Variants in BRICD5 observed in about 807,000 individuals in gnomAD.
The protein encoded by BRICD5 is BRICHOS domain containing 5.
A neutral mutation model predicts 28.4 loss-of-function variants in BRICD5; 51 were observed. The observed-to-expected ratio is 1.80, with a 90% CI of 1.43 to 2.27. The LOEUF (loss-of-function observed/expected upper bound fraction) is 2.27, where lower values mean the gene tolerates loss of function less well. Among genes scored for constraint, BRICD5 ranks in the 30% most tolerant of loss-of-function variants. The pLI, the probability that BRICD5 is intolerant of heterozygous loss-of-function variation, is 0.00. For missense variants in BRICD5, 456 were observed against 309.6 expected (o/e 1.47, Z -3.55); for synonymous variants, 177 against 130.2 (o/e 1.36, Z -2.44).
At position 2,210,061 on chromosome 16, in the gene BRICD5, CAG is replaced by C. The variant is rs1491500832; in HGVS notation, c.337-12_337-11del. ...GGTAACAGATGCAGCCCTGGGGAGG[CAG>C]GGGGGTGAGGCGGGGCCCCCCAGAC... On this transcript the variant is annotated splice_polypyrimidine_tract_variant and intron_variant, in intron 3 of 5. Coordinates refer to ENST00000328540, the MANE Select transcript of BRICD5 (RefSeq NM_182563.4). 2.5e-6 allele frequency: 4 copies of C among 1,600,492 alleles called. No homozygotes were observed. Among genetic ancestry groups the C allele is most frequent in the East Asian group, 2.3e-5 (1 of 44,424 alleles).
At position 2,210,158 on chromosome 16, in the gene BRICD5, G is replaced by C; in HGVS notation, c.304C>G (p.His102Asp). 6.2e-7 allele frequency: 1 copy of C among 1,608,822 alleles called. No individual in the cohort carries two copies. The highest frequency in any genetic ancestry group is 8.5e-7 in the Non-Finnish European group (1 of 1,178,622). ...CCGTCGAACAGCACCGCCCAGCTGT[G>C]GTTGCTCTGAGGTGGGGTCACTGTG... ...TITVTPPQSN[H>D]SWAVLFDGQS... is the part of the protein sequence containing the mutation. Residue 102 changes from histidine to aspartate, a missense_variant, in exon 3 of 6, where the codon CAC becomes GAC. Transcript: ENST00000328540.
At chr16:2,209,785 C>T in intron 4 of BRICD5, 79 bp from the exon 5 acceptor site, 2 of 1,457,376 alleles carry the variant, frequency 1.4e-6, no homozygotes, top group Non-Finnish European at 1.9e-6. Flanking sequence ...ACCCTCCAAC[C>T]CCCAGTGATG....
Position 2,209,930 on chromosome 16 carries a change from C to T in BRICD5, c.438+20G>A, listed in dbSNP as rs377623186. 1.5e-4 allele frequency: 226 copies of T among 1,499,102 alleles called. No homozygotes were observed. The African/African-American group carries it at 2.4e-3, about 16-fold the overall frequency. 92.9% of individuals were successfully genotyped at this position (1,499,102 alleles called of 1,614,324 possible). A position where few individuals can be genotyped will look rare whatever the true frequency, so the allele number is the denominator to read the frequency against. ...TTGTCTAGCCCCTGGCCCGGGCCTG[C>T]GCCCAGCAGGACGGCTCACCTTGGA... On this transcript the variant is annotated intron_variant, in intron 4 of 5. Transcript: ENST00000328540.
In BRICD5 at chr16:2,210,570, C is replaced by T. The variant is rs143402770; in HGVS notation, c.132G>A (p.Val44=). The change falls in exon 2 of 6, where the codon GTG becomes GTA. Residue 44 remains valine, a synonymous_variant. Transcript: ENST00000328540. ...CAAGAAGCCCTCCAGCCACAACCCC[C>T]ACAGCGGCCAGCACCAGCAGCAGCA... ...LLLLLLVLAA[V]GVVAGGLLGS... 3.7e-6 allele frequency: 6 copies of T among 1,612,650 alleles called. No homozygotes were observed. The highest frequency in any genetic ancestry group is 2.2e-5 in the East Asian group (1 of 44,878).
chr16:2,209,519 G>A, intron 5 of BRICD5, 34 bp downstream of exon 5: 1 of 1,612,592 alleles, frequency 6.2e-7, no homozygotes, highest in Non-Finnish European at 8.5e-7. Context: ...CCATCCCGAG[G>A]GCCTGGCCTT....
chr16:2,210,173 G>C lies in BRICD5; in HGVS notation c.289C>G (p.Pro97Ala). The change falls in exon 3 of 6, where the codon CCA (proline) becomes GCA (alanine). Residue 97 changes from proline (P) to alanine (A), a missense_variant. Physicochemically the swap from Pro to Ala is conservative, Grantham distance 27. Transcript: ENST00000328540. Reference sequence around the variant, plus strand: ...GCCCAGCTGTGGTTGCTCTGAGGTGGGGTCACTGTGATGGTCGCCGCGTTC... The same window carrying C: ...GCCCAGCTGTGGTTGCTCTGAGGTGCGGTCACTGTGATGGTCGCCGCGTTC... ...ARNAATITVT[P>A]PQSNHSWAVL... is the part of the protein sequence containing the mutation. 1 of 1,607,496 alleles carries C rather than the reference G, an allele frequency of 6.2e-7. No homozygotes were observed. The highest frequency in any genetic ancestry group is 8.5e-7 in the Non-Finnish European group (1 of 1,178,122).
Position 2,209,381 on chromosome 16 carries a change from AAGC to A in BRICD5, c.665_667del (p.Cys222del). ...GGGGGCTCAGTCTGGGAGGTAATAA[AAGC>A]AGACCGACACGCAGATGTTGCTCGG... On this transcript the variant is annotated inframe_deletion, in exon 6 of 6. Transcript: ENST00000328540. 1 of 1,613,484 alleles carries A rather than the reference AAGC, an allele frequency of 6.2e-7. No individual in the cohort carries two copies. The highest frequency in any genetic ancestry group is 8.5e-7 in the Non-Finnish European group (1 of 1,179,722).
Position 2,210,221 on chromosome 16 carries a change from T to A in BRICD5, c.241A>T (p.Thr81Ser), listed in dbSNP as rs2093367615. 3.2e-6 allele frequency: 5 copies of A among 1,578,470 alleles called. No individual in the cohort carries two copies. The East Asian group carries it at 1.1e-4, about 36-fold the overall frequency. Residue 81 changes from threonine to serine, a missense_variant, in exon 3 of 6, where the codon ACC becomes TCC. Coordinates refer to ENST00000328540, the MANE Select transcript of BRICD5 (RefSeq NM_182563.4). ...PSPHMPRPNQ[T>S]ILVDVARNAA... is the part of the protein sequence containing the mutation. Reference sequence around the variant, plus strand: ...TTCCGGGCCACGTCCACCAGGATGGTTTGGTTGGGCCGGGGCATGTGGGGG... The same window carrying A: ...TTCCGGGCCACGTCCACCAGGATGGATTGGTTGGGCCGGGGCATGTGGGGG...
In BRICD5 at chr16:2,209,817, A is replaced by G. The variant is rs1026755226; in HGVS notation, c.439-111T>C. Reference sequence around the variant, plus strand: ...GATGTCCCCACCCTCAGCTCTTGTCAGCAGCCTGGGCTTAGGGCGGAGAGA... The same window carrying G: ...GATGTCCCCACCCTCAGCTCTTGTCGGCAGCCTGGGCTTAGGGCGGAGAGA... On this transcript the variant is annotated intron_variant, in intron 4 of 5. Transcript: ENST00000328540. 1.3e-5 allele frequency: 18 copies of G among 1,408,392 alleles called. No individual in the cohort carries two copies. In the African/African-American group the frequency reaches 2.6e-4, roughly 20 times the overall value. 87.2% of individuals were successfully genotyped at this position (1,408,392 alleles called of 1,614,324 possible).
chr16:2,210,171 TG>T lies in BRICD5; in HGVS notation c.290del (p.Pro97HisfsTer33). ...ARNAATITVT[P>X]PQSNHSWAVL... Reference sequence around the variant, plus strand: ...CCGCCCAGCTGTGGTTGCTCTGAGGTGGGGTCACTGTGATGGTCGCCGCGTT... The same window carrying T: ...CCGCCCAGCTGTGGTTGCTCTGAGGTGGGTCACTGTGATGGTCGCCGCGTT... On this transcript the variant is annotated frameshift_variant, in exon 3 of 6. Coordinates refer to ENST00000328540, the MANE Select transcript of BRICD5 (RefSeq NM_182563.4). LOFTEE classifies it high-confidence loss of function. 1 of 1,607,504 alleles carries T rather than the reference TG, an allele frequency of 6.2e-7. No homozygotes were observed. Among genetic ancestry groups the T allele is most frequent in the Non-Finnish European group, 8.5e-7 (1 of 1,178,102 alleles).
chr16:2,210,465 C>T, intron 2 of BRICD5, 57 bp downstream of exon 2: 1 of 1,550,230 alleles, frequency 6.5e-7, no homozygotes, highest in Non-Finnish European at 8.7e-7. Context: ...CTGGGATATG[C>T]CAGCTTCCCT....
In BRICD5 at chr16:2,210,817, C is replaced by T. The variant is rs755898729; in HGVS notation, c.17G>A (p.Cys6Tyr). 4 of 1,603,752 alleles carry T rather than the reference C, an allele frequency of 2.5e-6. No homozygotes were observed. Among genetic ancestry groups the T allele is most frequent in the Admixed American group, 1.7e-5 (1 of 60,020 alleles). MEPAS[C>Y]CAERPKPGPT... ...CCCAGGTTTGGGGCGCTCAGCACAG[C>T]AGCTTGCTGGTTCCATCCTGCAGCC... The change falls in exon 1 of 6, where the codon TGC (cysteine) becomes TAC (tyrosine). Residue 6 changes from cysteine (C) to tyrosine (Y), a missense_variant. Coordinates refer to ENST00000328540, the MANE Select transcript of BRICD5 (RefSeq NM_182563.4).
chr16:2,210,422 A>G, intron 2 of BRICD5, 100 bp downstream of exon 2: 1 of 1,535,218 alleles, frequency 6.5e-7, no homozygotes. Flanking sequence ...AGGTGGTGTC[A>G]CTGCCTGCTC....
Position 2,210,276 on chromosome 16 carries a change from C to A in BRICD5, c.186G>T (p.Arg62Ser). 1 of 1,527,738 alleles carries A rather than the reference C, an allele frequency of 6.5e-7. No individual in the cohort carries two copies. Among genetic ancestry groups the A allele is most frequent in the South Asian group, 1.2e-5 (1 of 83,918 alleles). 94.6% of individuals were successfully genotyped at this position (1,527,738 alleles called of 1,614,324 possible). A position where few individuals can be genotyped will look rare whatever the true frequency, so the allele number is the denominator to read the frequency against. ...GGAGGGTCATTCGCAGCGTCTGCAG[C>A]CTTGGCTGGCAGTGGGAGTTGGAGT... The part of the protein sequence containing the change: ...LGSAQGPPKP[R>S]LQTLRMTLPS... The change falls in exon 3 of 6, where the codon AGG becomes AGT. Residue 62 changes from arginine (R) to serine (S), a missense_variant. Coordinates refer to ENST00000328540, the MANE Select transcript of BRICD5 (RefSeq NM_182563.4).
Position 2,209,602 on chromosome 16 carries a change from C to T in BRICD5, c.543G>A (p.Val181=), listed in dbSNP as rs1325725357. ...EVDPAQAGAL[V]QRLCMRTPIY... ...TGGGGGTCCTCATGCACAGGCGCTG[C>T]ACCAAAGCCCCCGCCTGGGCGGGGT... The change falls in exon 5 of 6, where the codon GTG becomes GTA. Residue 181 remains valine (V), a synonymous_variant. Transcript: ENST00000328540. The T allele has an allele frequency of 1.2e-6, 2 of 1,612,756 alleles. No homozygotes were observed. The highest frequency in any genetic ancestry group is 8.5e-7 in the Non-Finnish European group (1 of 1,179,988).
At position 2,209,374 on chromosome 16, in the gene BRICD5, G is replaced by A. The variant is rs773480492; in HGVS notation, c.675C>T (p.Tyr225=). 3.7e-5 allele frequency: 60 copies of A among 1,612,790 alleles called. No individual in the cohort carries two copies. Among genetic ancestry groups the A allele is most frequent in the Admixed American group, 2.7e-4 (16 of 59,986 alleles). Residue 225 remains tyrosine (Y), a synonymous_variant, in exon 6 of 6, where the codon TAC becomes TAT. Transcript: ENST00000328540. ...SNICVSVCFY[Y]LPD ...CCAGGTCGGGGGCTCAGTCTGGGAGGTAATAAAAGCAGACCGACACGCAGA... is the reference window on the plus strand; with the variant it reads ...CCAGGTCGGGGGCTCAGTCTGGGAGATAATAAAAGCAGACCGACACGCAGA...
chr16:2,210,701 C>T (rs756642039), intron 1 of BRICD5, 51 bp from the exon 2 acceptor site: 1 of 1,610,130 alleles, frequency 6.2e-7, no homozygotes, highest in African/African-American at 1.3e-5. Flanking sequence ...CATCAGGGAG[C>T]AAGTGGGCTG....
At position 2,209,647 on chromosome 16, in the gene BRICD5, C is replaced by A; in HGVS notation, c.498G>T (p.Val166=). ...CGGGGTCCACTTCGAGGCTCCCCTG[C>A]ACTGCCAGCAGCTCCTGGGTGTGGT... ...DTHHTQELLA[V]QGSLEVDPAQ... is the part of the protein sequence containing the mutation. Residue 166 remains valine, a synonymous_variant, in exon 5 of 6, where the codon GTG becomes GTT. Coordinates refer to ENST00000328540, the MANE Select transcript of BRICD5 (RefSeq NM_182563.4). 6.2e-7 allele frequency: 1 copy of A among 1,613,452 alleles called. No individual in the cohort carries two copies. Among genetic ancestry groups the A allele is most frequent in the African/African-American group, 1.3e-5 (1 of 75,072 alleles).
Position 2,210,134 on chromosome 16 carries a change from C to T in BRICD5, c.328G>A (p.Gly110Arg), listed in dbSNP as rs370239172. The T allele has an allele frequency of 4.0e-5, 64 of 1,609,032 alleles. No homozygotes were observed. Among genetic ancestry groups the T allele is most frequent in the East Asian group, 1.6e-4 (7 of 44,738 alleles). Residue 110 changes from glycine (G) to arginine (R), a missense_variant, in exon 3 of 6, where the codon GGG (glycine) becomes AGG (arginine). Physicochemically the swap from Gly to Arg is moderately radical, Grantham distance 125. Coordinates refer to ENST00000328540, the MANE Select transcript of BRICD5 (RefSeq NM_182563.4). ...CCTCCCTGCCCACTCACGCTCTGCC[C>T]GTCGAACAGCACCGCCCAGCTGTGG... The part of the protein sequence containing the change: ...SNHSWAVLFD[G>R]QSGCICYRPE...
Sources: allele counts gnomAD v4.1 joint callset, GRCh38; gene constraint gnomAD v4.1.1; transcripts MANE v1.5; gene names NCBI Gene and HGNC (gene_info 2026-07-23, HGNC 2026-07-21).